Variants in IL1A observed in about 807,000 individuals in gnomAD.
The protein encoded by IL1A is interleukin 1 alpha, also known as interleukin-1 alpha.
In IL1A, 16 loss-of-function variants were observed where a neutral mutation model predicts 22.2. That is an observed-to-expected ratio of 0.72 (90% confidence interval 0.49 to 1.09). The LOEUF is 1.09. IL1A is among the 50% of genes least tolerant of loss of function. IL1A has a pLI of 0.00. For synonymous variants in IL1A, 113 were observed against 118.5 expected, an observed-to-expected ratio of 0.95 and a Z score of 0.30; for missense variants, 317 against 321.8, an observed-to-expected ratio of 0.99 and a Z score of 0.11.
intron 1 of IL1A, 21 bp from the exon 2 acceptor site, chr2:112,783,799 C>T: frequency 6.2e-7 from 1 of 1,611,402 alleles, no homozygotes. Flanking sequence ...GAACACCAGC[C>T]ACCATCAGCT....
chr2:112,779,592 A>G lies in IL1A; in HGVS notation c.394T>C (p.Tyr132His), dbSNP rs1338945432. The G allele has an allele frequency of 3.7e-6, 6 of 1,613,170 alleles. No individual in the cohort carries two copies. The highest frequency in any genetic ancestry group is 5.1e-6 in the Non-Finnish European group (6 of 1,179,306). Reference sequence around the variant, plus strand: ...AGGGCGTCATTCAGGATGAATTCGTATTTGATGATCCTCATAAAGTTGTAT... The same window carrying G: ...AGGGCGTCATTCAGGATGAATTCGTGTTTGATGATCCTCATAAAGTTGTAT... ...VKYNFMRIIK[Y>H]EFILNDALNQ... The change falls in exon 5 of 7, where the codon TAC becomes CAC. Residue 132 changes from tyrosine (Y) to histidine (H), a missense_variant. Tyr to His is a moderately conservative substitution (Grantham distance 83). Coordinates refer to ENST00000263339, the MANE Select transcript of IL1A (RefSeq NM_000575.5).
chr2:112,775,991 T>A (rs1681096001), intron 6 of IL1A, among the ~76,000 whole-genome samples: 1 of 152,204 alleles, frequency 6.6e-6, no homozygotes, highest in Admixed American at 6.5e-5. Flanking sequence ...CAGCAGGATT[T>A]ATTTCCCAAA....
In IL1A at chr2:112,778,022, T is replaced by C. The variant is rs1299716934; in HGVS notation, c.580A>G (p.Thr194Ala). The C allele has an allele frequency of 1.2e-6, 2 of 1,614,108 alleles. No homozygotes were observed. Among genetic ancestry groups the C allele is most frequent in the Non-Finnish European group, 1.7e-6 (2 of 1,180,046 alleles). ...ACTGGTTGGTCTTCATCTTGGGCAG[T>C]CACATACAATTGAGTTTTTGAGATT... Reference protein sequence around the residue: ...LRISKTQLYVTAQDEDQPVLL... With the variant: ...LRISKTQLYVAAQDEDQPVLL... The change falls in exon 6 of 7, where the codon ACT becomes GCT. Residue 194 changes from threonine to alanine, a missense_variant. Thr to Ala is a moderately conservative substitution (Grantham distance 58). Transcript: ENST00000263339.
chr2:112,784,068 C>CA (rs1374739920), intron 1 of IL1A, among the ~76,000 whole-genome samples: 1 of 152,164 alleles, frequency 6.6e-6, no homozygotes, highest in African/African-American at 2.4e-5. Flanking sequence ...GAAGAGGTTA[C>CA]AAAAACACCA....
At position 112,774,962 on chromosome 2, in the gene IL1A, G is replaced by A; in HGVS notation, c.*105C>T. ...CATTCATTTAGAATTACAAGGCTCA[G>A]TACATGCTCAGCAAATGACTAACAG... On this transcript the variant is annotated 3_prime_UTR_variant, in exon 7 of 7. Transcript: ENST00000263339. 1 of 823,324 alleles carries A rather than the reference G, an allele frequency of 1.2e-6. No individual in the cohort carries two copies. The highest frequency in any genetic ancestry group is 1.6e-5 in the South Asian group (1 of 63,834). The allele number at this position is 823,324 out of a possible 1,614,324, so 51.0% of individuals were successfully genotyped here. A position where few individuals can be genotyped will look rare whatever the true frequency, so the allele number is the denominator to read the frequency against.
chr2:112,775,309 T>C (rs1273105152), intron 6 of IL1A, 42 bp from the exon 7 acceptor site: 5 of 1,511,704 alleles, frequency 3.3e-6, no homozygotes, highest in Non-Finnish European at 4.6e-6. Flanking sequence ...AACAAGATGG[T>C]AGAAAAAGGA....
At chr2:112,777,445 T>TTG (rs938047081) in intron 6 of IL1A, among the ~76,000 whole-genome samples, 9 of 151,708 alleles carry the variant, frequency 5.9e-5, no homozygotes, top group African/African-American at 9.7e-5. Context: ...TCTAAGGCTG[T>TTG]TGTGTGTGTG....
Position 112,775,074 on chromosome 2 carries a change from T to A in IL1A, c.809A>T (p.Gln270Leu). ...ACAAGTGAGACTCCAGACCTACGCC[T>A]GGTTTTCCAGTATCTGAAAGTCAGT... ...SITDFQILEN[Q>L]A The change falls in exon 7 of 7, where the codon CAG becomes CTG. Residue 270 changes from glutamine (Q) to leucine (L), a missense_variant. Transcript: ENST00000263339. 1.9e-6 allele frequency: 3 copies of A among 1,613,790 alleles called. No homozygotes were observed. Among genetic ancestry groups the A allele is most frequent in the Non-Finnish European group, 2.5e-6 (3 of 1,179,736 alleles).
intron 4 of IL1A, 69 bp downstream of exon 4, chr2:112,781,535 C>T: frequency 2.5e-6 from 3 of 1,196,936 alleles, no homozygotes; most frequent in South Asian, 1.2e-5. Context: ...TTTAATTTTC[C>T]CCTAAATTCT....
chr2:112,780,647 A>G (rs977458618), intron 4 of IL1A, among the ~76,000 whole-genome samples: 2 of 152,204 alleles, frequency 1.3e-5, no homozygotes, highest in Admixed American at 1.3e-4. Context: ...ATGTAAAATG[A>G]GAAGGTAGGA....
At chr2:112,778,543 A>G (rs1681141210) in intron 5 of IL1A, among the ~76,000 whole-genome samples, 1 of 152,240 alleles carries the variant, frequency 6.6e-6, no homozygotes, top group Admixed American at 6.5e-5. Context: ...GTTTTTACTT[A>G]CAGAATAATG....
intron 4 of IL1A, 63 bp downstream of exon 4, chr2:112,781,541 A>G: frequency 7.7e-7 from 1 of 1,292,936 alleles, no homozygotes; most frequent in South Asian, 1.2e-5. Context: ...TTTCCCCTAA[A>G]TTCTACTGTC....
chr2:112,777,827 G>C (rs992270524), intron 6 of IL1A, among the ~76,000 whole-genome samples, 160 bp downstream of exon 6: 1 of 152,220 alleles, frequency 6.6e-6, no homozygotes, highest in Non-Finnish European at 1.5e-5. Context: ...AGCCTGCCTA[G>C]GCACGCCTCT....
Position 112,779,643 on chromosome 2 carries a change from G to T in IL1A, c.343C>A (p.Pro115Thr), listed in dbSNP as rs542058674. 1.2e-6 allele frequency: 2 copies of T among 1,609,790 alleles called. No homozygotes were observed. The change falls in exon 5 of 7, where the codon CCT becomes ACT. Residue 115 changes from proline to threonine, a missense_variant. Physicochemically the swap from Pro to Thr is conservative, Grantham distance 38. Coordinates refer to ENST00000263339, the MANE Select transcript of IL1A (RefSeq NM_000575.5). ...EEEIIKPRSA[P>T]FSFLSNVKYN... ...TTCACATTGCTCAGGAAGCTAAAAG[G>T]TGCTGACCTAGGCTTGATGATTTCT...
chr2:112,777,961 T>A lies in IL1A; in HGVS notation c.615+26A>T, dbSNP rs1476676085. 11 of 1,613,038 alleles carry A rather than the reference T, an allele frequency of 6.8e-6. No homozygotes were observed. The African/African-American group carries it at 9.4e-5, about 14-fold the overall frequency. ...CAAACATATGAGATGTAAATGAAGGTAAGTTGGAGACAAAGGACAACTGAC... is the reference window on the plus strand; with the variant it reads ...CAAACATATGAGATGTAAATGAAGGAAAGTTGGAGACAAAGGACAACTGAC... On this transcript the variant is annotated intron_variant, in intron 6 of 6. Coordinates refer to ENST00000263339, the MANE Select transcript of IL1A (RefSeq NM_000575.5).
In IL1A at chr2:112,781,673, T is replaced by G. The variant is rs756467473; in HGVS notation, c.250A>C (p.Arg84=). 2 of 1,614,270 alleles carry G rather than the reference T, an allele frequency of 1.2e-6. No individual in the cohort carries two copies. Among genetic ancestry groups the G allele is most frequent in the Non-Finnish European group, 1.7e-6 (2 of 1,180,048 alleles). ...VATNGKVLKK[R]RLSLSQSITD... is the part of the protein sequence containing the mutation. ...ATGGATTGGCTTAAACTCAACCGTC[T>G]CTTCTTCAGAACCTTCCCGTTGGTT... Residue 84 remains arginine, a synonymous_variant, in exon 4 of 7, where the codon AGA becomes CGA. Coordinates refer to ENST00000263339, the MANE Select transcript of IL1A (RefSeq NM_000575.5).
intron 6 of IL1A, 104 bp downstream of exon 6, chr2:112,777,883 G>A: frequency 1.7e-6 from 2 of 1,210,154 alleles, no homozygotes; most frequent in Non-Finnish European, 2.4e-6. Context: ...GTGGTAGGAA[G>A]GAAAGAGGAC....
intron 1 of IL1A, among the ~76,000 whole-genome samples, chr2:112,784,092 T>G (rs1681260134): frequency 6.6e-6 from 1 of 152,250 alleles, no homozygotes; most frequent in African/African-American, 2.4e-5. Flanking sequence ...GAATAAGGTA[T>G]TTGCCTTACA....
chr2:112,779,260 C>G (rs1306145806), intron 5 of IL1A, among the ~76,000 whole-genome samples: 1 of 152,076 alleles, frequency 6.6e-6, no homozygotes, highest in East Asian at 1.9e-4. Flanking sequence ...TGTGCACAAC[C>G]CTTTACTCTC....
Sources: allele counts gnomAD v4.1 joint callset (sites outside exome capture counted in the v4.1 genomes callset), GRCh38; gene constraint gnomAD v4.1.1; transcripts MANE v1.5; gene names NCBI Gene and HGNC (gene_info 2026-07-23, HGNC 2026-07-21).